Variants in ADAMTS18 observed in about 807,000 individuals in gnomAD.
The protein encoded by ADAMTS18 is ADAM metallopeptidase with thrombospondin type 1 motif 18.
ADAMTS18 carries 157 observed loss-of-function variants against 165.9 expected under a neutral mutation model. The observed-to-expected ratio is 0.95, with a 90% CI of 0.83 to 1.08. ADAMTS18 has a LOEUF of 1.08. Ranked by LOEUF, ADAMTS18 falls within the 50% of genes least tolerant of loss-of-function variation. ADAMTS18 has a pLI of 0.00. For synonymous variants in ADAMTS18, 782 were observed against 578.2 expected (o/e 1.35, Z -5.06); for missense variants, 2,040 against 1,534.0 (o/e 1.33, Z -5.51).
At chr16:77,415,724 G>T (rs1481557423) in intron 3 of ADAMTS18, among the ~76,000 whole-genome samples, 1 of 27,796 alleles carries the variant, frequency 3.6e-5, no homozygotes, top group Non-Finnish European at 1.2e-4. Context: ...TGCTGGGTAG[G>T]CAAAAAAAAA....
At chr16:77,433,822 G>T (rs770693529) in intron 2 of ADAMTS18, among the ~76,000 whole-genome samples, 6 of 152,152 alleles carry the variant, frequency 3.9e-5, no homozygotes, top group Non-Finnish European at 5.9e-5. Flanking sequence ...AATGTCAGAA[G>T]TGAGGGATTT....
At chr16:77,401,123 C>T (rs185053635) in intron 3 of ADAMTS18, among the ~76,000 whole-genome samples, 196 of 151,966 alleles carry the variant, frequency 1.3e-3, no homozygotes, top group Non-Finnish European at 2.5e-3. Flanking sequence ...GGCGTGGTGG[C>T]GGGTGCCTAT....
intron 3 of ADAMTS18, among the ~76,000 whole-genome samples, chr16:77,391,491 CA>C (rs35087282): frequency 5.3e-4 from 70 of 133,154 alleles, no homozygotes; most frequent in Admixed American, 5.5e-4. Flanking sequence ...GACTCAGTCT[CA>C]AAAAAAAAAA....
chr16:77,300,397 A>T lies in ADAMTS18; in HGVS notation c.2540T>A (p.Met847Lys). The T allele has an allele frequency of 1.2e-6, 2 of 1,614,092 alleles. No individual in the cohort carries two copies. Among genetic ancestry groups the T allele is most frequent in the Non-Finnish European group, 1.7e-6 (2 of 1,179,960 alleles). Residue 847 changes from methionine to lysine, a missense_variant, in exon 17 of 23, where the codon ATG (methionine) becomes AAG (lysine). Physicochemically the swap from Met to Lys is moderately conservative, Grantham distance 95. Transcript: ENST00000282849. ...AGCTATCCCTGGATTTTTGCCTTGCATCAGAATCTGGACAGTGTAAGATAA... is the reference window on the plus strand; with the variant it reads ...AGCTATCCCTGGATTTTTGCCTTGCTTCAGAATCTGGACAGTGTAAGATAA... ...TNETLVFEIL[M>K]QGKNPGIAWK... is the part of the protein sequence containing the mutation.
At chr16:77,355,708 G>A (rs1218063779) in intron 9 of ADAMTS18, among the ~76,000 whole-genome samples, 3 of 152,110 alleles carry the variant, frequency 2.0e-5, no homozygotes, top group Admixed American at 6.5e-5. Flanking sequence ...TAATAGTATC[G>A]CTGTGAGGAT....
At chr16:77,300,229 C>T in intron 17 of ADAMTS18, 34 bp downstream of exon 17, 1 of 1,613,466 alleles carries the variant, frequency 6.2e-7, no homozygotes. Context: ...TTAAGAGAGA[C>T]AGACTTTGGA....
intron 3 of ADAMTS18, among the ~76,000 whole-genome samples, chr16:77,427,383 A>G (rs1330935271): frequency 6.6e-6 from 1 of 152,352 alleles, no homozygotes; most frequent in South Asian, 2.1e-4. Flanking sequence ...AAATTTTAAG[A>G]CTGTGGTTCA....
At chr16:77,291,175 C>T in intron 21 of ADAMTS18, 91 bp downstream of exon 21, 1 of 1,408,958 alleles carries the variant, frequency 7.1e-7, no homozygotes, top group Non-Finnish European at 1.0e-6. Flanking sequence ...ACTTAGACAA[C>T]CATTAACAGA....
chr16:77,368,565 T>C (rs972221453), intron 3 of ADAMTS18, among the ~76,000 whole-genome samples: 5 of 151,248 alleles, frequency 3.3e-5, no homozygotes, highest in Admixed American at 2.0e-4. Flanking sequence ...GCCTCCTGAA[T>C]AGCTGGGACT....
At chr16:77,329,385 G>A (rs2056150152) in intron 12 of ADAMTS18, among the ~76,000 whole-genome samples, 1 of 152,136 alleles carries the variant, frequency 6.6e-6, no homozygotes, top group South Asian at 2.1e-4. Flanking sequence ...TTACAAGCAT[G>A]ATCCATCAAA....
Position 77,283,902 on chromosome 16 carries a change from C to G in ADAMTS18, c.*54G>C, listed in dbSNP as rs1189907846. ...CTGGTCTCAAAGGCAGCTGGTCTCTCTAGAGGTTGAAAGGTAAGCCCCTGG... is the reference window on the plus strand; with the variant it reads ...CTGGTCTCAAAGGCAGCTGGTCTCTGTAGAGGTTGAAAGGTAAGCCCCTGG... On this transcript the variant is annotated 3_prime_UTR_variant, in exon 23 of 23. Coordinates refer to ENST00000282849, the MANE Select transcript of ADAMTS18 (RefSeq NM_199355.4). The G allele has an allele frequency of 2.2e-6, 3 of 1,391,492 alleles. No homozygotes were observed. In the African/African-American group the frequency reaches 4.3e-5, roughly 20 times the overall value. 86.2% of individuals were successfully genotyped at this position (1,391,492 alleles called of 1,614,324 possible).
chr16:77,356,114 G>A, intron 8 of ADAMTS18, 37 bp from the exon 9 acceptor site: 10 of 1,613,794 alleles, frequency 6.2e-6, no homozygotes, highest in Non-Finnish European at 7.6e-6. Flanking sequence ...CCTGCTTTGT[G>A]AACCCATTTT....
intron 5 of ADAMTS18, 130 bp from the exon 6 acceptor site, chr16:77,364,015 CT>C: frequency 8.1e-7 from 1 of 1,232,160 alleles, no homozygotes; most frequent in Non-Finnish European, 1.2e-6. Flanking sequence ...ATACAATTTC[CT>C]CAAAACTCAA....
At chr16:77,411,143 G>A (rs1234516221) in intron 3 of ADAMTS18, among the ~76,000 whole-genome samples, 1 of 152,174 alleles carries the variant, frequency 6.6e-6, no homozygotes, top group African/African-American at 2.4e-5. Context: ...TTGAGTATTT[G>A]GGTTCCTGGA....
chr16:77,303,038 T>C (rs2055614863), intron 16 of ADAMTS18, among the ~76,000 whole-genome samples: 1 of 152,162 alleles, frequency 6.6e-6, no homozygotes. Context: ...TCTCCCATTG[T>C]CAAATGTTTC....
At chr16:77,393,137 C>T (rs564669752) in intron 3 of ADAMTS18, among the ~76,000 whole-genome samples, 1 of 152,322 alleles carries the variant, frequency 6.6e-6, no homozygotes, top group South Asian at 2.1e-4. Context: ...ACCATCTGGT[C>T]ACCATGGAGG....
intron 4 of ADAMTS18, among the ~76,000 whole-genome samples, chr16:77,365,805 A>G (rs764118617): frequency 6.6e-6 from 1 of 152,230 alleles, no homozygotes; most frequent in Non-Finnish European, 1.5e-5. Context: ...ACAGAGTAAA[A>G]TTAAAAGATA....
At chr16:77,375,131 G>C (rs1045014041) in intron 3 of ADAMTS18, among the ~76,000 whole-genome samples, 6 of 152,132 alleles carry the variant, frequency 3.9e-5, no homozygotes, top group African/African-American at 1.4e-4. Flanking sequence ...AATTCAATGG[G>C]GGAACCAGGG....
rs75182504 is a variant in ADAMTS18, at chr16:77,368,708, G to A, written c.496-985C>T. 2.4e-4 allele frequency among the ~76,000 whole-genome samples: 37 copies of A among 152,088 alleles called. 1 individual carries two copies. In the East Asian group the frequency reaches 7.1e-3, roughly 29 times the overall value. On this transcript the variant is annotated intron_variant, in intron 3 of 22. Transcript: ENST00000282849. ...TTACAGGTGTGAGCCACCAGTTCTGGCCCATCTTGATTCACAGTTGCTAAA... is the reference window on the plus strand; with the variant it reads ...TTACAGGTGTGAGCCACCAGTTCTGACCCATCTTGATTCACAGTTGCTAAA...
Sources: allele counts gnomAD v4.1 joint callset (sites outside exome capture counted in the v4.1 genomes callset), GRCh38; gene constraint gnomAD v4.1.1; transcripts MANE v1.5; gene names NCBI Gene and HGNC (gene_info 2026-07-23, HGNC 2026-07-21).